Variants in GPC5 observed in about 807,000 individuals in gnomAD.
The protein encoded by GPC5 is glypican-5.
GPC5 carries 47 observed loss-of-function variants against 53.9 expected under a neutral mutation model. The observed-to-expected ratio is 0.87, with a 90% CI of 0.69 to 1.11. The LOEUF (loss-of-function observed/expected upper bound fraction) is 1.11, where lower values mean the gene tolerates loss of function less well. Ranked by LOEUF, GPC5 falls within the 50% of genes most tolerant of loss-of-function variation. The pLI is 0.00. For synonymous variants in GPC5, 286 were observed against 263.3 expected (o/e 1.09, Z -0.84); for missense variants, 748 against 713.1 (o/e 1.05, Z -0.56).
intron 5 of GPC5, among the ~76,000 whole-genome samples, chr13:91,824,034 G>T (rs2038537048): frequency 6.6e-6 from 1 of 151,992 alleles, no homozygotes; most frequent in Non-Finnish European, 1.5e-5. Context: ...AGTACAGAAT[G>T]CATTAGCTAA....
chr13:92,008,319 C>T (rs2040628754), intron 6 of GPC5, among the ~76,000 whole-genome samples: 1 of 152,094 alleles, frequency 6.6e-6, no homozygotes, highest in African/African-American at 2.4e-5. Flanking sequence ...GCCTCGGCCT[C>T]CCAAAGTGCT....
At chr13:92,059,028 C>A (rs189627582) in intron 6 of GPC5, among the ~76,000 whole-genome samples, 109 of 152,252 alleles carry the variant, frequency 7.2e-4, no homozygotes, top group African/African-American at 2.6e-3. Context: ...TTGCTCTGTT[C>A]TCATAAAACT....
rs549394481 is a variant in GPC5 at position 92,361,098 on chromosome 13, G to A, written c.1561+216109G>A. Reference sequence around the variant, plus strand: ...ATATGGAAATGCAGCCATTGTCGCTGAATCTGCCATTTACTTAAGGAAAAC... The same window carrying A: ...ATATGGAAATGCAGCCATTGTCGCTAAATCTGCCATTTACTTAAGGAAAAC... On this transcript the variant is annotated intron_variant, in intron 7 of 7. Transcript: ENST00000377067. Among the ~76,000 whole-genome samples, 246 of 151,856 alleles carry A rather than the reference G, an allele frequency of 1.6e-3. 1 individual carries two copies. Among genetic ancestry groups the A allele is most frequent in the Middle Eastern group, 0.014 (4 of 294 alleles).
intron 7 of GPC5, among the ~76,000 whole-genome samples, chr13:92,561,228 A>G (rs1882684762): frequency 6.6e-6 from 1 of 151,940 alleles, no homozygotes; most frequent in Non-Finnish European, 1.5e-5. Flanking sequence ...TGCTGCGCTT[A>G]TTTACATACG....
At chr13:92,044,720 T>C (rs2040967721) in intron 6 of GPC5, among the ~76,000 whole-genome samples, 1 of 152,210 alleles carries the variant, frequency 6.6e-6, no homozygotes, top group African/African-American at 2.4e-5. Context: ...TGAAATATAG[T>C]AAGATGTTTA....
intron 7 of GPC5, among the ~76,000 whole-genome samples, chr13:92,613,704 A>G (rs1294142369): frequency 7.2e-6 from 1 of 139,340 alleles, no homozygotes; most frequent in Non-Finnish European, 1.5e-5. Context: ...TATTATATAT[A>G]TATAAAATCA....
At chr13:92,341,851 G>A (rs900622654) in intron 7 of GPC5, among the ~76,000 whole-genome samples, 5 of 152,020 alleles carry the variant, frequency 3.3e-5, no homozygotes, top group Non-Finnish European at 5.9e-5. Flanking sequence ...TGCGTTTATC[G>A]AGGGGGAAAT....
At chr13:91,554,687 G>T (rs915944925) in intron 2 of GPC5, among the ~76,000 whole-genome samples, 8 of 152,062 alleles carry the variant, frequency 5.3e-5, no homozygotes, top group African/African-American at 1.9e-4. Flanking sequence ...CAAGTGCTGG[G>T]TCCTTCTGTA....
intron 7 of GPC5, among the ~76,000 whole-genome samples, chr13:92,595,814 T>C (rs982677022): frequency 6.7e-6 from 1 of 149,520 alleles, no homozygotes; most frequent in Non-Finnish European, 1.5e-5. Flanking sequence ...TTTTATGGAG[T>C]AATCTTTTCG....
intron 2 of GPC5, among the ~76,000 whole-genome samples, chr13:91,530,143 A>G (rs542991587): frequency 1.3e-5 from 2 of 152,218 alleles, no homozygotes; most frequent in Non-Finnish European, 2.9e-5. Context: ...AACATCTGCA[A>G]ACTTCAACAT....
At position 92,151,053 on chromosome 13, in the gene GPC5, G is replaced by A. The variant is rs530185180; in HGVS notation, c.1561+6064G>A. Among the ~76,000 whole-genome samples the A allele has an allele frequency of 4.4e-4, 67 of 152,010 alleles. No individual in the cohort carries two copies. In the South Asian group the frequency reaches 0.014, roughly 31 times the overall value. ...TAAACAGAGTGGCTATTGAAATGGCGATATTCTGTCTCGGGATTGATAAAG... is the reference window on the plus strand; with the variant it reads ...TAAACAGAGTGGCTATTGAAATGGCAATATTCTGTCTCGGGATTGATAAAG... On this transcript the variant is annotated intron_variant, in intron 7 of 7. Transcript: ENST00000377067.
chr13:92,462,113 G>T (rs1878508083), intron 7 of GPC5, among the ~76,000 whole-genome samples: 1 of 152,208 alleles, frequency 6.6e-6, no homozygotes, highest in Non-Finnish European at 1.5e-5. Flanking sequence ...ATAGGGAAAA[G>T]TGGGCATTTA....
At chr13:92,548,902 A>AC (rs1882215469) in intron 7 of GPC5, among the ~76,000 whole-genome samples, 1 of 152,078 alleles carries the variant, frequency 6.6e-6, no homozygotes, top group Non-Finnish European at 1.5e-5. Context: ...TCTAACATGT[A>AC]CCCACAAAAT....
intron 7 of GPC5, among the ~76,000 whole-genome samples, chr13:92,831,093 G>A (rs1028443167): frequency 6.6e-6 from 1 of 152,044 alleles, no homozygotes; most frequent in Non-Finnish European, 1.5e-5. Context: ...CAAAGATTTT[G>A]TGTTAGCAAA....
chr13:91,617,847 G>C (rs1041334613), intron 2 of GPC5, among the ~76,000 whole-genome samples: 27 of 152,038 alleles, frequency 1.8e-4, no homozygotes, highest in Admixed American at 1.4e-3. Context: ...AGTCTTTATT[G>C]CAACTACTCA....
At chr13:92,565,450 G>GC (rs1346794133) in intron 7 of GPC5, among the ~76,000 whole-genome samples, 1 of 151,980 alleles carries the variant, frequency 6.6e-6, no homozygotes, top group Non-Finnish European at 1.5e-5. Context: ...TCACTTCAAG[G>GC]CCATAGTTCC....
chr13:92,605,605 C>T (rs1214326081), intron 7 of GPC5, among the ~76,000 whole-genome samples: 2 of 123,798 alleles, frequency 1.6e-5, no homozygotes, highest in African/African-American at 5.2e-5. Context: ...TTTTTTGAGA[C>T]GGAGTCTCGC....
At chr13:92,195,471 G>A (rs1454341391) in intron 7 of GPC5, among the ~76,000 whole-genome samples, 2 of 152,150 alleles carry the variant, frequency 1.3e-5, no homozygotes, top group East Asian at 3.9e-4. Flanking sequence ...TGATCTTACT[G>A]TATGGCAAGT....
At chr13:92,041,099 T>C (rs2040938460) in intron 6 of GPC5, among the ~76,000 whole-genome samples, 1 of 151,930 alleles carries the variant, frequency 6.6e-6, no homozygotes. Context: ...TGATCCACCC[T>C]TCTCGGCCTC....
Sources: gnomAD v4.1 joint callset for allele counts (sites outside exome capture counted in the v4.1 genomes callset) on GRCh38, gnomAD v4.1.1 for gene constraint, MANE v1.5 for transcripts, NCBI Gene and HGNC (gene_info 2026-07-23, HGNC 2026-07-21) for gene names.